Variants in MAP2 observed in about 807,000 individuals in gnomAD.
MAP2 encodes the protein microtubule associated protein 2, also known as microtubule-associated protein 2.
In MAP2, 14 loss-of-function variants were observed where a neutral mutation model predicts 137.6. The ratio of observed to expected loss-of-function variants is 0.10; its 90% CI spans 0.07 to 0.16. The LOEUF (loss-of-function observed/expected upper bound fraction) is 0.16, where lower values mean the gene tolerates loss of function less well. Among genes scored for constraint, MAP2 ranks in the 10% least tolerant of loss-of-function variants. MAP2 has a pLI of 1.00. For synonymous variants in MAP2, 786 were observed against 782.3 expected, an observed-to-expected ratio of 1.00 and a Z score of -0.08; for missense variants, 2,088 against 2,191.5, an observed-to-expected ratio of 0.95 and a Z score of 0.94.
chr2:209,632,545 A>G (rs923699354), intron 4 of MAP2, among the ~76,000 whole-genome samples: 1 of 152,140 alleles, frequency 6.6e-6, no homozygotes, highest in African/African-American at 2.4e-5. Context: ...CAGTAACTAC[A>G]AAGTCTCTAT....
At chr2:209,617,270 A>G (rs2089797053) in intron 3 of MAP2, among the ~76,000 whole-genome samples, 1 of 152,124 alleles carries the variant, frequency 6.6e-6, no homozygotes, top group African/African-American at 2.4e-5. Flanking sequence ...ATTTTGGGTT[A>G]TTGTTTTCTG....
intron 1 of MAP2, among the ~76,000 whole-genome samples, chr2:209,448,791 C>G (rs1439038568): frequency 6.6e-6 from 1 of 152,146 alleles, no homozygotes; most frequent in East Asian, 1.9e-4. Context: ...TCCAGGGTCT[C>G]TACATCTCAA....
intron 2 of MAP2, among the ~76,000 whole-genome samples, chr2:209,558,438 C>G (rs2071189149): frequency 6.6e-6 from 1 of 152,132 alleles, no homozygotes; most frequent in Admixed American, 6.5e-5. Context: ...ATCTGCCTGC[C>G]TCAGCCTCCC....
At position 209,730,380 on chromosome 2, in the gene MAP2, G is replaced by T; in HGVS notation, c.5467G>T (p.Ala1823Ser). 1 of 1,613,334 alleles carries T rather than the reference G, an allele frequency of 6.2e-7. No homozygotes were observed. Among genetic ancestry groups the T allele is most frequent in the Non-Finnish European group, 8.5e-7 (1 of 1,179,508 alleles). The change falls in exon 16 of 16, where the codon GCT becomes TCT. Residue 1823 changes from alanine (A) to serine (S), a missense_variant. Ala to Ser is a moderately conservative substitution (Grantham distance 99, BLOSUM62 1). Transcript: ENST00000682079. Reference sequence around the variant, plus strand: ...GGCTGAGGATGTCACTGCTGCACTCGCTAAGCAGGGCTTGTGAATATTTCT... The same window carrying T: ...GGCTGAGGATGTCACTGCTGCACTCTCTAAGCAGGGCTTGTGAATATTTCT... ...TLAEDVTAAL[A>S]KQGL
intron 5 of MAP2, among the ~76,000 whole-genome samples, chr2:209,661,133 C>G (rs1345910218): frequency 6.6e-6 from 1 of 152,102 alleles, no homozygotes; most frequent in African/African-American, 2.4e-5. Flanking sequence ...TTAAATAAAG[C>G]TTTTCTCTCT....
intron 1 of MAP2, among the ~76,000 whole-genome samples, chr2:209,467,801 G>A (rs1296224771): frequency 6.6e-6 from 1 of 152,100 alleles, no homozygotes; most frequent in Admixed American, 6.5e-5. Context: ...AAGACCATGT[G>A]CAATTTCTTA....
At chr2:209,713,693 T>C (rs948766564) in intron 13 of MAP2, among the ~76,000 whole-genome samples, 2 of 152,182 alleles carry the variant, frequency 1.3e-5, no homozygotes, top group East Asian at 1.9e-4. Flanking sequence ...GCTGCTTCAG[T>C]TAAACAAAGG....
chr2:209,663,779 C>T (rs1320651541), intron 5 of MAP2, among the ~76,000 whole-genome samples: 1 of 152,182 alleles, frequency 6.6e-6, no homozygotes, highest in African/African-American at 2.4e-5. Context: ...ACCTCTGGTT[C>T]TTGCAAAGCA....
intron 1 of MAP2, among the ~76,000 whole-genome samples, chr2:209,430,976 T>C (rs777606192): frequency 4.6e-5 from 7 of 151,574 alleles, no homozygotes; most frequent in Non-Finnish European, 5.9e-5. Context: ...TTCAGAGCAC[T>C]GAGTGGCCTT....
At chr2:209,647,469 T>C (rs2094491143) in intron 4 of MAP2, among the ~76,000 whole-genome samples, 2 of 152,254 alleles carry the variant, frequency 1.3e-5, no homozygotes, top group Admixed American at 6.5e-5. Flanking sequence ...TTAATTCATA[T>C]ACCATTTCAA....
At chr2:209,649,873 C>T (rs183279746) in intron 4 of MAP2, among the ~76,000 whole-genome samples, 1 of 152,126 alleles carries the variant, frequency 6.6e-6, no homozygotes, top group Non-Finnish European at 1.5e-5. Flanking sequence ...TATGGCTAGC[C>T]AGCCTTTTCT....
chr2:209,580,866 A>C (rs1018319652), intron 3 of MAP2, among the ~76,000 whole-genome samples: 1 of 152,166 alleles, frequency 6.6e-6, no homozygotes, highest in Middle Eastern at 3.2e-3. Context: ...CTTTAACTTT[A>C]ATACCTGTTA....
intron 1 of MAP2, among the ~76,000 whole-genome samples, chr2:209,492,670 G>C (rs187718157): frequency 1.3e-5 from 2 of 152,128 alleles, no homozygotes; most frequent in Non-Finnish European, 2.9e-5. Flanking sequence ...GCCAAATCTT[G>C]AGCAAACTCC....
chr2:209,657,769 A>G (rs1339491436), intron 5 of MAP2, among the ~76,000 whole-genome samples: 2 of 152,138 alleles, frequency 1.3e-5, no homozygotes, highest in African/African-American at 4.8e-5. Context: ...TAATCTAATT[A>G]AGTCCCATTA....
intron 3 of MAP2, among the ~76,000 whole-genome samples, chr2:209,589,784 A>C (rs1223269693): frequency 6.6e-6 from 1 of 152,246 alleles, no homozygotes; most frequent in Non-Finnish European, 1.5e-5. Flanking sequence ...AATGGTAAAT[A>C]ACGCAGTAAG....
intron 1 of MAP2, among the ~76,000 whole-genome samples, chr2:209,428,567 G>C (rs890332695): frequency 6.6e-6 from 1 of 151,430 alleles, no homozygotes; most frequent in Non-Finnish European, 1.5e-5. Flanking sequence ...TTGGTCTTTA[G>C]AAAATGAAAT....
chr2:209,473,323 G>A (rs999574870), intron 1 of MAP2, among the ~76,000 whole-genome samples: 2 of 152,104 alleles, frequency 1.3e-5, no homozygotes, highest in African/African-American at 4.8e-5. Flanking sequence ...GTGACTTTTA[G>A]AGGATTTTAC....
chr2:209,728,987 A>G (rs1286325805), intron 14 of MAP2, among the ~76,000 whole-genome samples: 1 of 152,260 alleles, frequency 6.6e-6, no homozygotes, highest in East Asian at 1.9e-4. Flanking sequence ...GCAGACACTC[A>G]GAAATGGTCA....
chr2:209,580,320 G>A (rs1254110938), intron 3 of MAP2, among the ~76,000 whole-genome samples: 1 of 152,044 alleles, frequency 6.6e-6, no homozygotes, highest in Non-Finnish European at 1.5e-5. Flanking sequence ...TATGTTGCAA[G>A]TTATTAACAA....
Sources: allele counts gnomAD v4.1 joint callset (sites outside exome capture counted in the v4.1 genomes callset), GRCh38; gene constraint gnomAD v4.1.1; transcripts MANE v1.5; gene names NCBI Gene and HGNC (gene_info 2026-07-23, HGNC 2026-07-21).